Variants in UBE3A observed in about 807,000 individuals in gnomAD.
UBE3A encodes ubiquitin protein ligase E3A.
A neutral mutation model predicts 83.4 loss-of-function variants in UBE3A; 6 were observed. That is an observed-to-expected ratio of 0.07 (90% CI 0.04 to 0.14). The LOEUF is 0.14. UBE3A is among the 10% of genes least tolerant of loss of function. The pLI is 1.00. For missense variants in UBE3A, 456 were observed against 1,036.1 expected, an observed-to-expected ratio of 0.44 and a Z score of 7.69; for synonymous variants, 337 against 355.4, an observed-to-expected ratio of 0.95 and a Z score of 0.58.
chr15:25,367,196 T>TGC (rs1566940303), intron 6 of UBE3A, among the ~76,000 whole-genome samples: 24 of 122,100 alleles, frequency 2.0e-4, no homozygotes, highest in African/African-American at 4.4e-5. Context: ...TGTAAATATT[T>TGC]ACATATTTGT....
chr15:25,351,739 A>G (rs1170104947), intron 11 of UBE3A, among the ~76,000 whole-genome samples: 2 of 151,962 alleles, frequency 1.3e-5, no homozygotes, highest in East Asian at 3.9e-4. Flanking sequence ...TTTTGCATGT[A>G]TTTTTTCAGG....
chr15:25,339,417 A>C, intron 12 of UBE3A, 160 bp from the exon 13 acceptor site: 1 of 863,866 alleles, frequency 1.2e-6, no homozygotes, highest in Non-Finnish European at 1.7e-6. Context: ...GTAACTACCA[A>C]GTTGCCTTTA....
At chr15:25,429,172 A>C (rs985235477) in intron 1 of UBE3A, among the ~76,000 whole-genome samples, 1 of 152,232 alleles carries the variant, frequency 6.6e-6, no homozygotes, top group Admixed American at 6.5e-5. Flanking sequence ...ACTTACAGAT[A>C]CATGTACACA....
chr15:25,391,789 G>C (rs1206474256), intron 4 of UBE3A: 1 of 152,210 alleles, frequency 6.6e-6, no homozygotes, highest in Non-Finnish European at 1.5e-5. Flanking sequence ...ACGGCAACCT[G>C]AGGTAAGGTG....
chr15:25,366,870 C>T (rs7164510), intron 6 of UBE3A, among the ~76,000 whole-genome samples: 6,715 of 152,108 alleles, frequency 0.044, 486 homozygotes, highest in African/African-American at 0.15. Context: ...GGAGTATTAC[C>T]AGAAGTTCAG....
At chr15:25,344,326 C>G (rs2075330050) in intron 11 of UBE3A, among the ~76,000 whole-genome samples, 1 of 152,150 alleles carries the variant, frequency 6.6e-6, no homozygotes, top group Non-Finnish European at 1.5e-5. Flanking sequence ...TCAGGATACA[C>G]TAGGAAGATT....
chr15:25,354,084 A>G, intron 11 of UBE3A: 1 of 523,550 alleles, frequency 1.9e-6, no homozygotes, highest in Non-Finnish European at 3.4e-6. Flanking sequence ...CAGTAAGCAT[A>G]CTCTAACCAG....
At chr15:25,397,643 C>T (rs1437705225) in intron 4 of UBE3A, among the ~76,000 whole-genome samples, 1 of 152,062 alleles carries the variant, frequency 6.6e-6, no homozygotes, top group Non-Finnish European at 1.5e-5. Context: ...TCTTCTAATT[C>T]CCTGTATTAA....
intron 7 of UBE3A, among the ~76,000 whole-genome samples, chr15:25,359,764 A>G (rs148908848): frequency 1.4e-4 from 21 of 152,232 alleles, no homozygotes; most frequent in African/African-American, 4.6e-4. Flanking sequence ...AAAAGGGAAA[A>G]AACTAAAATT....
In UBE3A at chr15:25,339,169, T is replaced by C; in HGVS notation, c.2587A>G (p.Ile863Val). Residue 863 changes from isoleucine (I) to valine (V), a missense_variant, in exon 13 of 13, where the codon ATC (isoleucine) becomes GTC (valine). By Grantham distance (29) the Ile-to-Val change is conservative. Coordinates refer to ENST00000648336, the MANE Select transcript of UBE3A (RefSeq NM_130839.5). The stretch of plus-strand genomic sequence containing the variant: ...ATGCCAAATCCTTTGGCATACGTGA[T>C]GGCCTTCAACAATCTCTCTTTAAGT... Reference protein sequence around the residue: ...EKLKERLLKAITYAKGFGML With the variant: ...EKLKERLLKAVTYAKGFGML The C allele has an allele frequency of 1.2e-6, 2 of 1,611,350 alleles. No homozygotes were observed. The highest frequency in any genetic ancestry group is 1.7e-6 in the Non-Finnish European group (2 of 1,178,690).
chr15:25,360,686 CAA>C (rs2077917905), intron 6 of UBE3A, among the ~76,000 whole-genome samples, 159 bp from the exon 7 acceptor site: 1 of 152,224 alleles, frequency 6.6e-6, no homozygotes, highest in Admixed American at 6.5e-5. Context: ...CCAGTGAAGA[CAA>C]AGATTCAGTC....
chr15:25,344,233 C>T (rs2075318901), intron 11 of UBE3A, among the ~76,000 whole-genome samples: 1 of 152,098 alleles, frequency 6.6e-6, no homozygotes, highest in Non-Finnish European at 1.5e-5. Flanking sequence ...TATTGATAAG[C>T]TATGCTGCAT....
intron 4 of UBE3A, chr15:25,391,577 T>C (rs2084398438): frequency 6.6e-6 from 1 of 152,234 alleles, no homozygotes; most frequent in Non-Finnish European, 1.5e-5. Context: ...TCAATTATTG[T>C]ATGACTACTG....
At chr15:25,424,550 T>C (rs1890761709) in intron 1 of UBE3A, among the ~76,000 whole-genome samples, 1 of 152,178 alleles carries the variant, frequency 6.6e-6, no homozygotes, top group South Asian at 2.1e-4. Context: ...CTGCTGTCTC[T>C]ACCAGGACCT....
intron 5 of UBE3A, among the ~76,000 whole-genome samples, chr15:25,373,007 C>G (rs1011536723): frequency 2.0e-5 from 3 of 152,156 alleles, no homozygotes; most frequent in Non-Finnish European, 2.9e-5. Context: ...AGGATCTGAT[C>G]TGTGGCCCAG....
intron 4 of UBE3A, among the ~76,000 whole-genome samples, chr15:25,392,934 T>C (rs1408151402): frequency 6.6e-6 from 1 of 152,196 alleles, no homozygotes; most frequent in Non-Finnish European, 1.5e-5. Flanking sequence ...AAAGATCTTC[T>C]CCTCATAAAA....
chr15:25,368,639 A>G (rs925083419), intron 6 of UBE3A, among the ~76,000 whole-genome samples: 8 of 152,164 alleles, frequency 5.3e-5, no homozygotes, highest in African/African-American at 1.9e-4. Context: ...TCTAATTTTG[A>G]TATAATTAAG....
At chr15:25,409,326 AATT>A (rs1380908522) in intron 2 of UBE3A, 119 bp from the exon 3 acceptor site, 1 of 433,906 alleles carries the variant, frequency 2.3e-6, no homozygotes, top group East Asian at 3.3e-5. Context: ...TCAGAAGAGT[AATT>A]ATTATAGAAA....
intron 5 of UBE3A, chr15:25,373,659 A>C (rs531990990): frequency 6.6e-6 from 1 of 152,042 alleles, no homozygotes; most frequent in African/African-American, 2.4e-5. Context: ...TTGTATTTTT[A>C]GTAGAGAGGG....
Sources: allele counts gnomAD v4.1 joint callset (sites outside exome capture counted in the v4.1 genomes callset), GRCh38; gene constraint gnomAD v4.1.1; transcripts MANE v1.5; gene names NCBI Gene and HGNC (gene_info 2026-07-23, HGNC 2026-07-21).